Variants in PGAP1 observed in about 807,000 individuals in gnomAD.
The protein encoded by PGAP1 is post-GPI attachment to proteins inositol deacylase 1, also known as GPI inositol-deacylase.
A neutral mutation model predicts 127.0 loss-of-function variants in PGAP1; 76 were observed. The ratio of observed to expected loss-of-function variants is 0.60; its 90% confidence interval spans 0.50 to 0.72. The LOEUF (loss-of-function observed/expected upper bound fraction) is 0.72. Among genes scored for constraint, PGAP1 ranks in the 30% least tolerant of loss-of-function variants. The pLI, the probability that PGAP1 is intolerant of heterozygous loss-of-function variation, is 0.00. For synonymous variants in PGAP1, 362 were observed against 366.5 expected (o/e 0.99, Z 0.14); for missense variants, 982 against 1,071.3 (o/e 0.92, Z 1.16).
At chr2:196,847,456 TTC>T (rs1368392810) in intron 21 of PGAP1, 8 of 239,964 alleles carry the variant, frequency 3.3e-5, no homozygotes, top group East Asian at 3.0e-4. Context: ...AAGTAATATG[TTC>T]TTTTTTTTTT....
chr2:196,902,454 T>C, intron 5 of PGAP1, 131 bp downstream of exon 5: 1 of 643,658 alleles, frequency 1.6e-6, no homozygotes, highest in East Asian at 2.9e-5. Context: ...CTTACACACA[T>C]GCATGCCCAC....
chr2:196,874,187 TA>T (rs1016488403), intron 14 of PGAP1, among the ~76,000 whole-genome samples: 12 of 151,756 alleles, frequency 7.9e-5, no homozygotes, highest in African/African-American at 2.2e-4. Context: ...AAATAAAATG[TA>T]AAAAAAATAT....
At chr2:196,844,686 C>A in intron 23 of PGAP1, 112 bp from the exon 24 acceptor site, 2 of 676,672 alleles carry the variant, frequency 3.0e-6, no homozygotes, top group South Asian at 4.7e-5. Context: ...AAAATGTAAA[C>A]CAAAAAGTCA....
intron 1 of PGAP1, among the ~76,000 whole-genome samples, chr2:196,924,217 G>T (rs1172406654): frequency 2.0e-5 from 3 of 151,928 alleles, no homozygotes; most frequent in South Asian, 4.2e-4. Context: ...ATTTCTGCTG[G>T]CTAACTAAAG....
chr2:196,856,525 C>T (rs1046678771), intron 20 of PGAP1, among the ~76,000 whole-genome samples: 2 of 152,140 alleles, frequency 1.3e-5, no homozygotes, highest in African/African-American at 4.8e-5. Flanking sequence ...CATGGAATTA[C>T]TAAAAATGAG....
intron 10 of PGAP1, 79 bp from the exon 11 acceptor site, chr2:196,885,959 A>C (rs765383083): frequency 2.6e-5 from 25 of 967,128 alleles, no homozygotes; most frequent in Non-Finnish European, 3.5e-5. Context: ...CATTTTCAAC[A>C]CTTTTTATTG....
chr2:196,842,100 A>G (rs1191716731), intron 26 of PGAP1, among the ~76,000 whole-genome samples: 1 of 151,840 alleles, frequency 6.6e-6, no homozygotes, highest in Non-Finnish European at 1.5e-5. Context: ...CAAAACAAGG[A>G]GTATAAAGAG....
At chr2:196,850,121 G>C (rs925025661) in intron 20 of PGAP1, among the ~76,000 whole-genome samples, 11 of 152,154 alleles carry the variant, frequency 7.2e-5, no homozygotes, top group Non-Finnish European at 1.5e-4. Flanking sequence ...TGCACCCAAG[G>C]CTACAGCTCC....
At chr2:196,847,465 T>C in intron 21 of PGAP1, 1 of 222,674 alleles carries the variant, frequency 4.5e-6, no homozygotes, top group Non-Finnish European at 8.7e-6. Context: ...GTTCTTTTTT[T>C]TTTTTTTTTT....
At chr2:196,843,686 G>A (rs778532832) in intron 25 of PGAP1, among the ~76,000 whole-genome samples, 6 of 151,888 alleles carry the variant, frequency 4.0e-5, no homozygotes, top group East Asian at 1.9e-4. Context: ...CTGAGATCGC[G>A]CCACTGCACT....
In PGAP1 at chr2:196,844,529, G is replaced by T. The variant is rs760904211; in HGVS notation, c.2332C>A (p.Pro778Thr). The T allele has an allele frequency of 1.9e-6, 3 of 1,592,270 alleles. No individual in the cohort carries two copies. In the African/African-American group the frequency reaches 4.1e-5, roughly 22 times the overall value. ...GTTTTGAAAATAAAACTTACCACAG[G>T]CTGGCTATTCTTAAAAGTTGTTAAG... ...ASLTTFKNSQ[P>T]VNPKHSRRSE... is the part of the protein sequence containing the mutation. Residue 778 changes from proline (P) to threonine (T), a missense_variant, in exon 24 of 27, where the codon CCT (proline) becomes ACT (threonine). Coordinates refer to ENST00000354764, the MANE Select transcript of PGAP1 (RefSeq NM_024989.4).
intron 20 of PGAP1, among the ~76,000 whole-genome samples, chr2:196,855,548 AG>A (rs1700854741): frequency 6.6e-6 from 1 of 152,114 alleles, no homozygotes; most frequent in Non-Finnish European, 1.5e-5. Context: ...TAATTACATG[AG>A]ATTGACCAAC....
intron 1 of PGAP1, chr2:196,922,219 A>C: frequency 7.8e-7 from 1 of 1,283,516 alleles, no homozygotes; most frequent in Non-Finnish European, 1.0e-6. Flanking sequence ...AATTCTAATA[A>C]ACTCCCAGGT....
rs1316543000 is a variant in PGAP1 at position 196,926,683 on chromosome 2, G to A, written c.-67C>T. On this transcript the variant is annotated 5_prime_UTR_variant, in exon 1 of 27. Coordinates refer to ENST00000354764, the MANE Select transcript of PGAP1 (RefSeq NM_024989.4). ...CTCCTTCTCCGCCGCGGGGCCCCAAGCCCGGACTGAGCGTGCTAGACACTG... is the reference window on the plus strand; with the variant it reads ...CTCCTTCTCCGCCGCGGGGCCCCAAACCCGGACTGAGCGTGCTAGACACTG... 1.4e-5 allele frequency: 22 copies of A among 1,606,458 alleles called. No homozygotes were observed. Among genetic ancestry groups the A allele is most frequent in the Non-Finnish European group, 1.8e-5 (21 of 1,176,384 alleles).
intron 1 of PGAP1, among the ~76,000 whole-genome samples, chr2:196,922,892 G>A (rs1703248155): frequency 1.3e-5 from 2 of 151,550 alleles, no homozygotes; most frequent in South Asian, 4.2e-4. Context: ...GTTTCGCCAT[G>A]TTATCCAGGC....
intron 7 of PGAP1, among the ~76,000 whole-genome samples, chr2:196,894,033 C>A (rs1702187551): frequency 6.6e-6 from 1 of 152,200 alleles, no homozygotes; most frequent in South Asian, 2.1e-4. Flanking sequence ...TTTGCCTGAA[C>A]ATTTTTAATT....
intron 1 of PGAP1, 115 bp downstream of exon 1, chr2:196,926,355 G>A (rs1047173132): frequency 3.1e-5 from 46 of 1,488,560 alleles, no homozygotes; most frequent in South Asian, 3.9e-5. Flanking sequence ...AGGCGAGGAC[G>A]GGACAGGGGG....
chr2:196,922,434 C>T lies in PGAP1; in HGVS notation c.148-2284G>A, dbSNP rs370694482. 3.6e-5 allele frequency: 35 copies of T among 983,848 alleles called. No individual in the cohort carries two copies. The African/African-American group carries it at 5.5e-4, about 15-fold the overall frequency. 60.9% of individuals were successfully genotyped at this position (983,848 alleles called of 1,614,324 possible). On this transcript the variant is annotated intron_variant, in intron 1 of 26. Coordinates refer to ENST00000354764, the MANE Select transcript of PGAP1 (RefSeq NM_024989.4). ...TCTCAGTAAGGCCTTTGCTCACCATCCCCCATAAGAATAGTTATAGGGGCT... is the reference window on the plus strand; with the variant it reads ...TCTCAGTAAGGCCTTTGCTCACCATTCCCCATAAGAATAGTTATAGGGGCT...
chr2:196,861,950 A>C (rs974205769), intron 20 of PGAP1, among the ~76,000 whole-genome samples: 2 of 150,824 alleles, frequency 1.3e-5, no homozygotes, highest in African/African-American at 4.9e-5. Context: ...TCGCCTCAGG[A>C]CCATGTGATA....
Sources: gnomAD v4.1 joint callset for allele counts (sites outside exome capture counted in the v4.1 genomes callset) on GRCh38, gnomAD v4.1.1 for gene constraint, MANE v1.5 for transcripts, NCBI Gene and HGNC (gene_info 2026-07-23, HGNC 2026-07-21) for gene names.